PRKG1: variants seen among roughly 807,000 people sequenced by gnomAD.
PRKG1 encodes the protein cGMP-dependent protein kinase 1.
In PRKG1, 35 loss-of-function variants were observed where a neutral mutation model predicts 88.1. The observed-to-expected ratio is 0.40, with a 90% CI of 0.30 to 0.53. The LOEUF (loss-of-function observed/expected upper bound fraction) is 0.53. Among genes scored for constraint, PRKG1 ranks in the 20% least tolerant of loss-of-function variants. The pLI, the probability that PRKG1 is intolerant of heterozygous loss-of-function variation, is 0.59. For synonymous variants in PRKG1, 303 were observed against 292.5 expected, an observed-to-expected ratio of 1.04 and a Z score of -0.37; for missense variants, 540 against 839.8, an observed-to-expected ratio of 0.64 and a Z score of 4.41.
chr10:52,037,140 G>A (rs1211476449), intron 5 of PRKG1, among the ~76,000 whole-genome samples: 2 of 152,228 alleles, frequency 1.3e-5, no homozygotes, highest in Non-Finnish European at 2.9e-5. Context: ...ATTTTCAGTG[G>A]GGTCCCACAC....
intron 5 of PRKG1, among the ~76,000 whole-genome samples, chr10:51,914,221 TA>T (rs11297162): frequency 0.24 from 34,133 of 142,298 alleles, 4,224 homozygotes; most frequent in African/African-American, 0.27. Flanking sequence ...AGTGAGAAAA[TA>T]AAAAAAAAAA....
At chr10:51,756,631 C>T (rs755269641) in intron 3 of PRKG1, among the ~76,000 whole-genome samples, 52 of 151,768 alleles carry the variant, frequency 3.4e-4, no homozygotes, top group East Asian at 7.8e-4. Context: ...CTGGCTAACA[C>T]GGTGAAACCC....
At chr10:52,146,774 CCT>C (rs1188659442) in intron 8 of PRKG1, among the ~76,000 whole-genome samples, 3 of 151,982 alleles carry the variant, frequency 2.0e-5, no homozygotes, top group Admixed American at 6.6e-5. Context: ...AAACTTTACC[CCT>C]GTTTTAGAAA....
chr10:52,189,377 G>T lies in PRKG1; in HGVS notation c.1076+27414G>T, dbSNP rs77057741. ...TTCCACTCATTCATCCCAGACCAGG[G>T]GTTCCCAATCACCAGGCCATGGACT... is the stretch of plus-strand genomic sequence containing the variant. On this transcript the variant is annotated intron_variant, in intron 9 of 17. Transcript: ENST00000373980. 6.4e-3 allele frequency among the ~76,000 whole-genome samples: 979 copies of T among 152,214 alleles called. 9 individuals are homozygous for T. Among genetic ancestry groups the T allele is most frequent in the African/African-American group, 0.023 (935 of 41,540 alleles).
chr10:51,160,036 G>A (rs938698895), intron 2 of PRKG1, among the ~76,000 whole-genome samples: 4 of 152,088 alleles, frequency 2.6e-5, no homozygotes, highest in African/African-American at 9.7e-5. Context: ...GTTTGTGTGG[G>A]TTGAGGAGGG....
At chr10:51,593,731 CT>C (rs561985061) in intron 3 of PRKG1, among the ~76,000 whole-genome samples, 3,439 of 145,258 alleles carry the variant, frequency 0.024, 53 homozygotes, top group Non-Finnish European at 0.037. Flanking sequence ...AAGGCAGTTC[CT>C]TTTTTTTTTT....
intron 3 of PRKG1, among the ~76,000 whole-genome samples, chr10:51,786,614 T>C (rs1011307580): frequency 1.3e-5 from 2 of 152,128 alleles, no homozygotes; most frequent in African/African-American, 4.8e-5. Context: ...CCACACTATA[T>C]TGATATTGCT....
chr10:51,433,305 G>A (rs534972817), intron 2 of PRKG1, among the ~76,000 whole-genome samples: 7 of 152,190 alleles, frequency 4.6e-5, no homozygotes, highest in African/African-American at 7.2e-5. Context: ...GACTCTTCAC[G>A]TAGAAGAAAA....
chr10:52,128,024 C>T, intron 7 of PRKG1: 11 of 981,978 alleles, frequency 1.1e-5, no homozygotes, highest in Non-Finnish European at 1.3e-5. Flanking sequence ...TGATGCTTGT[C>T]ATTTCCTATC....
At chr10:51,164,188 T>C (rs548223920) in intron 2 of PRKG1, among the ~76,000 whole-genome samples, 16 of 152,234 alleles carry the variant, frequency 1.1e-4, no homozygotes, top group African/African-American at 3.6e-4. Context: ...TGGGTACTTC[T>C]CTGAGACAGA....
intron 1 of PRKG1, among the ~76,000 whole-genome samples, chr10:50,994,934 A>G (rs1245108611): frequency 2.0e-5 from 3 of 152,174 alleles, no homozygotes; most frequent in African/African-American, 7.2e-5. Context: ...TAAGTAATCT[A>G]GAGATGAGTT....
At chr10:51,186,793 CCTT>C (rs1387544532) in intron 2 of PRKG1, among the ~76,000 whole-genome samples, 1 of 151,580 alleles carries the variant, frequency 6.6e-6, no homozygotes, top group African/African-American at 2.4e-5. Flanking sequence ...AGAATTTTCA[CCTT>C]CTGAGATCTC....
chr10:51,188,490 C>G (rs776395502), intron 2 of PRKG1, among the ~76,000 whole-genome samples: 16 of 151,620 alleles, frequency 1.1e-4, no homozygotes, highest in Non-Finnish European at 2.1e-4. Context: ...TTTCATTAAA[C>G]ATGATATATG....
chr10:51,963,693 C>T (rs926769152), intron 5 of PRKG1, among the ~76,000 whole-genome samples: 4 of 152,004 alleles, frequency 2.6e-5, no homozygotes, highest in African/African-American at 9.7e-5. Flanking sequence ...AGAGATCCAC[C>T]CACTCCAGCC....
At chr10:52,083,461 GA>G (rs1846831429) in intron 7 of PRKG1, among the ~76,000 whole-genome samples, 1 of 151,990 alleles carries the variant, frequency 6.6e-6, no homozygotes, top group Non-Finnish European at 1.5e-5. Flanking sequence ...AAAATTATGT[GA>G]TCCGGAACAC....
chr10:52,036,350 A>G (rs955574386), intron 5 of PRKG1, among the ~76,000 whole-genome samples: 3 of 151,894 alleles, frequency 2.0e-5, no homozygotes, highest in Non-Finnish European at 4.4e-5. Context: ...AATTTGGTTG[A>G]TAAGGCGCAG....
chr10:51,412,155 A>T (rs1838104401), intron 2 of PRKG1, among the ~76,000 whole-genome samples: 1 of 148,624 alleles, frequency 6.7e-6, no homozygotes, highest in Non-Finnish European at 1.5e-5. Flanking sequence ...TATTTAAGGG[A>T]CCAAGCTGAT....
chr10:51,615,759 G>T (rs1457286176), intron 3 of PRKG1, among the ~76,000 whole-genome samples: 3 of 146,246 alleles, frequency 2.1e-5, no homozygotes, highest in Non-Finnish European at 4.5e-5. Flanking sequence ...GTATTCCCCT[G>T]TATCTCACCA....
chr10:51,698,426 G>T (rs776404351), intron 3 of PRKG1: 1 of 1,613,976 alleles, frequency 6.2e-7, no homozygotes, highest in Admixed American at 1.7e-5. Flanking sequence ...ATGTGAGGAA[G>T]GGCCACGAGT....
Sources: allele counts gnomAD v4.1 joint callset (sites outside exome capture counted in the v4.1 genomes callset), GRCh38; gene constraint gnomAD v4.1.1; transcripts MANE v1.5; gene names NCBI Gene and HGNC (gene_info 2026-07-23, HGNC 2026-07-21).